Variants in PLCB2 observed in about 807,000 individuals in gnomAD.
PLCB2 encodes the protein 1-phosphatidylinositol 4,5-bisphosphate phosphodiesterase beta-2.
Under a neutral mutation model 141.7 loss-of-function variants are expected in PLCB2, and 115 were observed. That is an observed-to-expected ratio of 0.81 (90% CI 0.70 to 0.95). The LOEUF (loss-of-function observed/expected upper bound fraction) is 0.95. Ranked by LOEUF, PLCB2 falls within the 40% of genes least tolerant of loss-of-function variation. The pLI, the probability that PLCB2 is intolerant of heterozygous loss-of-function variation, is 0.00. For synonymous variants in PLCB2, 603 were observed against 595.6 expected (o/e 1.01, Z -0.18); for missense variants, 1,403 against 1,541.1 (o/e 0.91, Z 1.50).
rs764451459 is a variant in PLCB2 at position 40,307,621 on chromosome 15, T to C, written c.52A>G (p.Ser18Gly). 1 of 1,589,170 alleles carries C rather than the reference T, an allele frequency of 6.3e-7. No individual in the cohort carries two copies. Among genetic ancestry groups the C allele is most frequent in the Non-Finnish European group, 8.6e-7 (1 of 1,166,456 alleles). ...CATTTGATGAAGCGCTCCCCTTGGCTCAGATAGGCCTTCACCTTGGGGGGC... is the reference window on the plus strand; with the variant it reads ...CATTTGATGAAGCGCTCCCCTTGGCCCAGATAGGCCTTCACCTTGGGGGGC... ...LLPPKVKAYL[S>G]QGERFIKWDD... is the part of the protein sequence containing the mutation. The change falls in exon 1 of 32, where the codon AGC (serine) becomes GGC (glycine). Residue 18 changes from serine to glycine, a missense_variant. Around this residue, in one of 4 missense-constraint regions of PLCB2, gnomAD observed 975 missense variants for 1,141.1 expected, o/e 0.85. Coordinates refer to ENST00000260402, the MANE Select transcript of PLCB2 (RefSeq NM_004573.3).
chr15:40,285,042 G>C (rs1273109355), downstream of PLCB2, among the ~76,000 whole-genome samples: 2 of 152,072 alleles, frequency 1.3e-5, no homozygotes, highest in Non-Finnish European at 2.9e-5. Context: ...CTGGGGAAAG[G>C]TACTGGGCAT....
chr15:40,287,789 T>C (rs2039640386), downstream of PLCB2: 3 of 277,264 alleles, frequency 1.1e-5, no homozygotes, highest in Non-Finnish European at 1.6e-5. Flanking sequence ...GGAAAGGACC[T>C]CACCCTGGGT....
chr15:40,307,247 C>G (rs1037124433), intron 1 of PLCB2, among the ~76,000 whole-genome samples: 1 of 152,118 alleles, frequency 6.6e-6, no homozygotes, highest in Admixed American at 6.5e-5. Flanking sequence ...ACGAGCTCAC[C>G]TCTCCTCCTA....
chr15:40,304,595 C>A (rs2040700890), intron 1 of PLCB2, among the ~76,000 whole-genome samples: 1 of 152,086 alleles, frequency 6.6e-6, no homozygotes, highest in African/African-American at 2.4e-5. Context: ...AAGGACAACC[C>A]AAGCCCCCCA....
At chr15:40,296,012 A>C (rs764588554) in intron 16 of PLCB2, among the ~76,000 whole-genome samples, 1 of 152,144 alleles carries the variant, frequency 6.6e-6, no homozygotes, top group African/African-American at 2.4e-5. Context: ...GCCAGCCCAC[A>C]GCACAGTTCA....
intron 7 of PLCB2, chr15:40,301,457 AAGAC>A: frequency 1.6e-6 from 1 of 642,038 alleles, no homozygotes. Flanking sequence ...TTTAACTAAA[AAGAC>A]AGGGAAAAAT....
In PLCB2 at chr15:40,291,287, C is replaced by A; in HGVS notation, c.2848G>T (p.Gly950Cys). ...GGVGACKLGP[G>C]KGSRKKRSLP... ...TACCTCTTCTTGCGAGAGCCCTTGC[C>A]GGGACCGAGCTTGCAGGCCCCGACG... The change falls in exon 26 of 32, where the codon GGC (glycine) becomes TGC (cysteine). Residue 950 changes from glycine (G) to cysteine (C), a missense_variant. By Grantham distance (159) the Gly-to-Cys change is radical (BLOSUM62 -3). This residue lies in a region of PLCB2 where 290 missense variants were observed against 245.9 expected (regional missense o/e 1.18). Coordinates refer to ENST00000260402, the MANE Select transcript of PLCB2 (RefSeq NM_004573.3). 6.4e-7 allele frequency: 1 copy of A among 1,562,652 alleles called. No individual in the cohort carries two copies. Among genetic ancestry groups the A allele is most frequent in the East Asian group, 2.3e-5 (1 of 42,634 alleles).
chr15:40,284,576 T>A, downstream of PLCB2: 1 of 454,218 alleles, frequency 2.2e-6, no homozygotes, highest in Non-Finnish European at 4.4e-6. Flanking sequence ...GTGCAGTGGC[T>A]CACGCCTGTA....
At position 40,288,417 on chromosome 15, in the gene PLCB2, C is replaced by T; in HGVS notation, c.*298G>A. 5 of 1,132,986 alleles carry T rather than the reference C, an allele frequency of 4.4e-6. No individual in the cohort carries two copies. The highest frequency in any genetic ancestry group is 4.2e-5 in the South Asian group (1 of 23,854). The allele number at this position is 1,132,986 out of a possible 1,614,324, so 70.2% of individuals were successfully genotyped here. A position where few individuals can be genotyped will look rare whatever the true frequency, so the allele number is the denominator to read the frequency against. The stretch of plus-strand genomic sequence containing the variant: ...AGTGGGGCCAGGATCCCACTTTCTG[C>T]CTTCCAGTCCATAGTCTTTTGCCCT... On this transcript the variant is annotated 3_prime_UTR_variant, in exon 32 of 32. Coordinates refer to ENST00000260402, the MANE Select transcript of PLCB2 (RefSeq NM_004573.3).
At chr15:40,298,050 C>A in intron 11 of PLCB2, 91 bp from the exon 12 acceptor site, 1 of 1,199,166 alleles carries the variant, frequency 8.3e-7, no homozygotes, top group South Asian at 1.3e-5. Flanking sequence ...AGTTTCAATA[C>A]ACACATATAA....
chr15:40,288,919 C>T lies in PLCB2; in HGVS notation c.3355-1G>A, dbSNP rs1479633935. The T allele has an allele frequency of 1.2e-6, 2 of 1,612,482 alleles. No homozygotes were observed. Among genetic ancestry groups the T allele is most frequent in the Non-Finnish European group, 1.7e-6 (2 of 1,179,844 alleles). On this transcript the variant is annotated splice_acceptor_variant, in intron 31 of 31. Coordinates refer to ENST00000260402, the MANE Select transcript of PLCB2 (RefSeq NM_004573.3). LOFTEE classifies it high-confidence loss of function. ...ACTCTGCCAGCGCCTCCTTCTGGAA[C>T]TGTGGAGACAGCAAGGACCCCTGCC...
intron 3 of PLCB2, among the ~76,000 whole-genome samples, chr15:40,303,007 C>T (rs1441912052): frequency 6.6e-6 from 1 of 152,194 alleles, no homozygotes; most frequent in Non-Finnish European, 1.5e-5. Context: ...TAAGCCACCC[C>T]TCCCAGACAG....
At chr15:40,285,818 G>A (rs2039602091), downstream of PLCB2, 15 of 985,418 alleles carry the variant, frequency 1.5e-5, no homozygotes, top group Non-Finnish European at 1.7e-5. Context: ...GTGGAGGAGA[G>A]AAGCAGCAGA....
intron 27 of PLCB2, 58 bp from the exon 28 acceptor site, chr15:40,290,895 G>C: frequency 1.5e-6 from 2 of 1,378,472 alleles, no homozygotes; most frequent in Non-Finnish European, 2.0e-6. Context: ...AGGGAGTACG[G>C]GGGGCGGGGG....
Position 40,294,433 on chromosome 15 carries a change from G to A in PLCB2, c.1907-13C>T. ...TGCATGGGCAAGTCTGGAGGGACAA[G>A]GACACTCAGTGAGGAAGGCCCAGCC... On this transcript the variant is annotated splice_polypyrimidine_tract_variant and intron_variant, in intron 18 of 31. Transcript: ENST00000260402. 1 of 1,613,858 alleles carries A rather than the reference G, an allele frequency of 6.2e-7. No homozygotes were observed. Among genetic ancestry groups the A allele is most frequent in the Non-Finnish European group, 8.5e-7 (1 of 1,179,968 alleles).
Position 40,298,328 on chromosome 15 carries a change from G to T in PLCB2, c.1050C>A (p.Leu350=), listed in dbSNP as rs772693083. Residue 350 remains leucine, a synonymous_variant, in exon 11 of 32, where the codon CTC becomes CTA. Transcript: ENST00000260402. ...CTAGCTCCACGCAACGGCAGCCAGA[G>T]AGCAGCACCTGGCGGTACATCTCAG... ...SSAEMYRQVL[L]SGCRCVELDC... The T allele has an allele frequency of 3.7e-6, 6 of 1,606,842 alleles. No individual in the cohort carries two copies. Among genetic ancestry groups the T allele is most frequent in the South Asian group, 1.1e-5 (1 of 90,420 alleles).
chr15:40,290,038 T>A lies in PLCB2; in HGVS notation c.3254A>T (p.Gln1085Leu), dbSNP rs979616926. Residue 1085 changes from glutamine (Q) to leucine (L), a missense_variant, in exon 30 of 32, where the codon CAG becomes CTG. Gln to Leu is a moderately radical substitution (Grantham distance 113). Coordinates refer to ENST00000260402, the MANE Select transcript of PLCB2 (RefSeq NM_004573.3). ...GCCCTTACACACCTGCTTGATCACC[T>A]GCACTACTTCCTGGATGTGGGAGTT... ...INNSHIQEVV[Q>L]VIKQMTENLE... 1 of 1,597,344 alleles carries A rather than the reference T, an allele frequency of 6.3e-7. No homozygotes were observed. The highest frequency in any genetic ancestry group is 1.3e-5 in the African/African-American group (1 of 74,112).
intron 1 of PLCB2, among the ~76,000 whole-genome samples, chr15:40,305,190 T>A (rs1326386169): frequency 7.0e-6 from 1 of 142,038 alleles, no homozygotes; most frequent in Non-Finnish European, 1.6e-5. Flanking sequence ...TTTTTTTTTT[T>A]TTTTTTACCT....
rs2290550 is a variant in PLCB2, at chr15:40,291,963, C to A, written c.2527-39G>T. ...GCAGGTCAGGAAGGTGGCTTGACAG[C>A]CCTCTCTCCCCGAGCCTGGGACTCG... On this transcript the variant is annotated intron_variant, in intron 23 of 31. Transcript: ENST00000260402. 0.21 allele frequency: 331,970 copies of A among 1,608,798 alleles called. 36,087 individuals carry two copies. The highest frequency in any genetic ancestry group is 0.31 in the African/African-American group (22,957 of 74,790).
Sources: allele counts gnomAD v4.1 joint callset (sites outside exome capture counted in the v4.1 genomes callset), GRCh38; gene constraint gnomAD v4.1.1; regional missense constraint gnomAD v4.1.1; transcripts MANE v1.5; gene names NCBI Gene and HGNC (gene_info 2026-07-23, HGNC 2026-07-21).